The following TBCD variants were observed in gnomAD, a reference collection of about 807,000 sequenced individuals.
TBCD encodes the protein tubulin-specific chaperone D.
In TBCD, 105 loss-of-function variants were observed where a neutral mutation model predicts 169.3. The observed-to-expected ratio is 0.62, with a 90% confidence interval of 0.53 to 0.73. TBCD has a LOEUF of 0.73. Among genes scored for constraint, TBCD ranks in the 30% least tolerant of loss-of-function variants. TBCD has a pLI of 0.00. For synonymous variants in TBCD, 700 were observed against 643.9 expected, an observed-to-expected ratio of 1.09 and a Z score of -1.32; for missense variants, 1,444 against 1,600.1, an observed-to-expected ratio of 0.90 and a Z score of 1.66.
chr17:82,863,555 G>T (rs1440011220), intron 13 of TBCD, among the ~76,000 whole-genome samples: 1 of 152,244 alleles, frequency 6.6e-6, no homozygotes, highest in Non-Finnish European at 1.5e-5. Flanking sequence ...GGTGCAGGCA[G>T]TGTGGTCCAG....
Position 82,903,581 on chromosome 17 carries a change from CTGTCTTGG to C in TBCD, c.1804+106_1804+113del. 1 of 1,222,188 alleles carries C rather than the reference CTGTCTTGG, an allele frequency of 8.2e-7. No homozygotes were observed. Among genetic ancestry groups the C allele is most frequent in the Non-Finnish European group, 1.2e-6 (1 of 866,344 alleles). The allele number at this position is 1,222,188 out of a possible 1,614,324, so 75.7% of individuals were successfully genotyped here. On this transcript the variant is annotated intron_variant, in intron 19 of 38. Coordinates refer to ENST00000355528, the MANE Select transcript of TBCD (RefSeq NM_005993.5). This position sits in a 1 kb window ranked among gnomAD's most constrained non-coding sequence, Gnocchi z 4.8. ...GGGGGCTGAAAATAAGGTTGTGCTTCTGTCTTGGTGAGAAGCATCTGAGGAAAGAGCTG... is the reference window on the plus strand; with the variant it reads ...GGGGGCTGAAAATAAGGTTGTGCTTCTGAGAAGCATCTGAGGAAAGAGCTG...
chr17:82,798,041 A>G (rs1178334853), intron 8 of TBCD, among the ~76,000 whole-genome samples: 1 of 134,704 alleles, frequency 7.4e-6, no homozygotes, highest in African/African-American at 2.8e-5. Context: ...CAGTGGCACA[A>G]TCTTGGCTCA....
intron 13 of TBCD, among the ~76,000 whole-genome samples, chr17:82,866,325 C>T (rs2057169306): frequency 6.6e-6 from 1 of 152,186 alleles, no homozygotes; most frequent in Non-Finnish European, 1.5e-5. Flanking sequence ...CACCTACCAC[C>T]CTGGGATGAA....
At chr17:82,830,676 C>T (rs747237177) in intron 13 of TBCD, 9 of 1,613,946 alleles carry the variant, frequency 5.6e-6, no homozygotes, top group Non-Finnish European at 6.8e-6. Context: ...GAAGGTCCTG[C>T]AGCTCTGAGA....
At chr17:82,757,895 C>G (rs762967651) in intron 2 of TBCD, among the ~76,000 whole-genome samples, 1 of 151,968 alleles carries the variant, frequency 6.6e-6, no homozygotes, top group Non-Finnish European at 1.5e-5. Context: ...AGCGCTGGTT[C>G]CCAGGAAACA....
rs1455268894 is a variant in TBCD, at chr17:82,782,556, G to A, written c.771+835G>A. ...AGGGTCTTGCTATGTAGGTCAGGGT[G>A]GTCTTAAACTCCTGGCCTCAAGTGA... is the stretch of plus-strand genomic sequence containing the variant. On this transcript the variant is annotated intron_variant, in intron 7 of 38. Transcript: ENST00000355528. The surrounding 1 kb of genome is among the most constrained non-coding windows in gnomAD (Gnocchi z 5.1). 1.3e-5 allele frequency among the ~76,000 whole-genome samples: 2 copies of A among 152,174 alleles called. No homozygotes were observed. The highest frequency in any genetic ancestry group is 2.9e-5 in the Non-Finnish European group (2 of 68,034).
intron 13 of TBCD, among the ~76,000 whole-genome samples, chr17:82,822,002 C>A (rs1480697438): frequency 6.6e-6 from 1 of 152,144 alleles, no homozygotes; most frequent in African/African-American, 2.4e-5. Context: ...CAGTGTTCAT[C>A]GAAGACGTAC....
At chr17:82,928,219 C>T (rs2061918087) in intron 30 of TBCD, among the ~76,000 whole-genome samples, 2 of 152,280 alleles carry the variant, frequency 1.3e-5, no homozygotes, top group South Asian at 2.1e-4. Context: ...GCCCCCAGGA[C>T]GAGGCTCTGC....
rs756981796 is a variant in TBCD, at chr17:82,766,388, C to G, written c.435+20C>G. The G allele has an allele frequency of 9.5e-6, 15 of 1,585,042 alleles. No individual in the cohort carries two copies. The highest frequency in any genetic ancestry group is 3.5e-5 in the Admixed American group (2 of 57,910). On this transcript the variant is annotated intron_variant, in intron 4 of 38. Coordinates refer to ENST00000355528, the MANE Select transcript of TBCD (RefSeq NM_005993.5). ...CATGAAGTGAGTGTCTCTGCCTCCC[C>G]CCTCGTCTCCAGCCCTCCGTGCCTG...
At chr17:82,856,921 C>T (rs1598973816) in intron 13 of TBCD, among the ~76,000 whole-genome samples, 1 of 137,702 alleles carries the variant, frequency 7.3e-6, no homozygotes, top group Non-Finnish European at 1.5e-5. Flanking sequence ...CGCGTGCGGA[C>T]CCTCGGTGCG....
rs2053882886 is a variant in TBCD at position 82,835,417 on chromosome 17, A to C, written c.1318+20483A>C. Among the ~76,000 whole-genome samples the C allele has an allele frequency of 6.6e-6, 1 of 151,648 alleles. No individual in the cohort carries two copies. The highest frequency in any genetic ancestry group is 1.5e-5 in the Non-Finnish European group (1 of 67,896). ...CTGGTTTCTCTACTGATTTATTCAT[A>C]TTTCTTTCTTTCTTTCTTTTTTGAG... On this transcript the variant is annotated intron_variant, in intron 13 of 38. Transcript: ENST00000355528. This position sits in a 1 kb window ranked among gnomAD's most constrained non-coding sequence, Gnocchi z 4.5.
chr17:82,867,023 C>T (rs2057220525), intron 13 of TBCD, among the ~76,000 whole-genome samples: 1 of 152,260 alleles, frequency 6.6e-6, no homozygotes, highest in Non-Finnish European at 1.5e-5. Context: ...GTCTGCACAG[C>T]TGTCTCTGGG....
At chr17:82,887,811 TG>T (rs1328510135) in intron 15 of TBCD, among the ~76,000 whole-genome samples, 1 of 152,214 alleles carries the variant, frequency 6.6e-6, no homozygotes, top group East Asian at 1.9e-4. Flanking sequence ...GATACGTCGT[TG>T]TGGTCTTTAC....
At chr17:82,770,297 G>A (rs969714195) in intron 5 of TBCD, among the ~76,000 whole-genome samples, 7 of 152,260 alleles carry the variant, frequency 4.6e-5, no homozygotes, top group Middle Eastern at 3.4e-3. Context: ...GTTTTGTTAC[G>A]TTAGAGGTAG....
At chr17:82,929,022 G>A in intron 30 of TBCD, 91 bp from the exon 31 acceptor site, 1 of 1,499,406 alleles carries the variant, frequency 6.7e-7, no homozygotes, top group Non-Finnish European at 9.0e-7. Context: ...TGCTTGGGCT[G>A]GAGTCACGGC....
intron 6 of TBCD, among the ~76,000 whole-genome samples, chr17:82,777,312 C>G (rs1946609175): frequency 6.6e-6 from 1 of 152,178 alleles, no homozygotes; most frequent in South Asian, 2.1e-4. Flanking sequence ...ACCAGCACCA[C>G]AAGGTCGGTG....
chr17:82,791,876 G>T lies in TBCD; in HGVS notation c.772-5881G>T, dbSNP rs74000099. Among the ~76,000 whole-genome samples the T allele has an allele frequency of 9.6e-3, 1,444 of 150,276 alleles. 18 individuals carry two copies. Among genetic ancestry groups the T allele is most frequent in the African/African-American group, 0.033 (1,336 of 39,894 alleles). On this transcript the variant is annotated intron_variant, in intron 7 of 38. Transcript: ENST00000355528. ...TGCTGCTCCCAGGCCAGGTGGTGCG[G>T]CCTGCTGCACTCCCAGGCCAGGTGG...
intron 15 of TBCD, among the ~76,000 whole-genome samples, chr17:82,887,168 T>TGTGTGCGCGCGCGCGCGCGCGCGC: frequency 7.9e-6 from 1 of 126,102 alleles, no homozygotes; most frequent in Non-Finnish European, 1.7e-5. Context: ...TGTGTGTGTG[T>TGTGTGCGCGCGCGCGCGCGCGCGC]GCGCGCGCGC....
chr17:82,797,719 G>C (rs578192998), intron 7 of TBCD, 38 bp from the exon 8 acceptor site: 157 of 1,405,724 alleles, frequency 1.1e-4, no homozygotes, highest in Middle Eastern at 1.8e-4. Context: ...ACTTCTATTT[G>C]TATTTGTAAC....
Sources: allele counts gnomAD v4.1 joint callset (sites outside exome capture counted in the v4.1 genomes callset), GRCh38; gene constraint gnomAD v4.1.1; non-coding constraint Gnocchi (gnomAD v3.1); transcripts MANE v1.5; gene names NCBI Gene and HGNC (gene_info 2026-07-23, HGNC 2026-07-21).